The following PMPCB variants were observed in gnomAD, a reference collection of about 807,000 sequenced individuals.
PMPCB encodes mitochondrial-processing peptidase subunit beta.
Under a neutral mutation model 61.5 loss-of-function variants are expected in PMPCB, and 46 were observed. The observed-to-expected ratio is 0.75, with a 90% CI of 0.59 to 0.96. The LOEUF is 0.96. Ranked by LOEUF, PMPCB falls within the 40% of genes least tolerant of loss-of-function variation. PMPCB has a pLI of 0.00. For synonymous variants in PMPCB, 191 were observed against 201.6 expected, an observed-to-expected ratio of 0.95 and a Z score of 0.44; for missense variants, 590 against 602.4, an observed-to-expected ratio of 0.98 and a Z score of 0.22.
chr7:103,330,662 G>A (rs1469673381), downstream of PMPCB, among the ~76,000 whole-genome samples: 1 of 151,900 alleles, frequency 6.6e-6, no homozygotes, highest in Non-Finnish European at 1.5e-5. Flanking sequence ...ATGTTGGCCA[G>A]GCTGGTCTCG....
At chr7:103,335,406 G>A in the PMPCB span, 20 of 152,186 alleles carry the variant, frequency 1.3e-4, no homozygotes, top group East Asian at 2.3e-3. Flanking sequence ...AAAGACTGAC[G>A]GAATATTCCA....
intron 12 of PMPCB, among the ~76,000 whole-genome samples, chr7:103,328,669 G>A (rs994689064): frequency 1.3e-5 from 2 of 152,088 alleles, no homozygotes; most frequent in Non-Finnish European, 2.9e-5. Flanking sequence ...AGATGTAATC[G>A]TATGTACTAA....
the PMPCB span, among the ~76,000 whole-genome samples, chr7:103,347,037 T>G: frequency 1.3e-5 from 2 of 152,226 alleles, no homozygotes; most frequent in Non-Finnish European, 2.9e-5. Context: ...CTAGGTGGCA[T>G]GGTAATTATT....
chr7:103,298,542 C>G (rs964653417), intron 1 of PMPCB, 26 bp from the exon 2 acceptor site: 1 of 1,609,706 alleles, frequency 6.2e-7, no homozygotes, highest in Admixed American at 1.7e-5. Context: ...TTTGCTTTGT[C>G]TCTTCCACTT....
chr7:103,309,374 G>A (rs1817676355), intron 8 of PMPCB: 1 of 226,772 alleles, frequency 4.4e-6, no homozygotes, highest in African/African-American at 2.3e-5. Context: ...ATAGTCAGTA[G>A]GCCCTCTATA....
At chr7:103,308,886 CT>C (rs1265775524) in intron 7 of PMPCB, 65 bp from the exon 8 acceptor site, 9 of 1,312,024 alleles carry the variant, frequency 6.9e-6, no homozygotes, top group Non-Finnish European at 9.1e-6. Context: ...TGATTTTTTC[CT>C]TGTTAATAAG....
downstream of PMPCB, among the ~76,000 whole-genome samples, chr7:103,315,518 T>C (rs1017634466): frequency 2.0e-5 from 3 of 152,200 alleles, no homozygotes; most frequent in African/African-American, 7.2e-5. Flanking sequence ...AACACTGTTT[T>C]GTAAAACCTG....
At chr7:103,299,123 A>G (rs905828774) in intron 2 of PMPCB, among the ~76,000 whole-genome samples, 1 of 152,256 alleles carries the variant, frequency 6.6e-6, no homozygotes, top group East Asian at 1.9e-4. Flanking sequence ...CAGCTAATAC[A>G]TGACAGAGCC....
chr7:103,324,434 T>C (rs1818590174), intron 12 of PMPCB: 1 of 1,406,672 alleles, frequency 7.1e-7, no homozygotes, highest in East Asian at 2.6e-5. Context: ...ATTGAATACT[T>C]TTCCTTTTAA....
In PMPCB at chr7:103,313,339, T is replaced by A; in HGVS notation, c.*1068T>A. The A allele has an allele frequency of 1.6e-6, 2 of 1,265,242 alleles. No homozygotes were observed. Among genetic ancestry groups the A allele is most frequent in the South Asian group, 4.8e-5 (2 of 41,492 alleles). The allele number at this position is 1,265,242 out of a possible 1,614,324, so 78.4% of individuals were successfully genotyped here. Reference sequence around the variant, plus strand: ...GGCTTTTAAAACACAATAGTAAAGATCTACCTTGTACTGTTTATCTCTTAA... The same window carrying A: ...GGCTTTTAAAACACAATAGTAAAGAACTACCTTGTACTGTTTATCTCTTAA... On this transcript the variant is annotated 3_prime_UTR_variant, in exon 13 of 13. Transcript: ENST00000249269.
chr7:103,313,228 A>T lies in PMPCB; in HGVS notation c.*957A>T. The T allele has an allele frequency of 6.9e-7, 1 of 1,444,128 alleles. No homozygotes were observed. The highest frequency in any genetic ancestry group is 1.5e-5 in the South Asian group (1 of 65,816). 89.5% of individuals were successfully genotyped at this position (1,444,128 alleles called of 1,614,324 possible). A position where few individuals can be genotyped will look rare whatever the true frequency, so the allele number is the denominator to read the frequency against. ...TGTGTCATTTTGAAAATAAACTTGT[A>T]GAGATGAGAGATACATATAGCCCTC... On this transcript the variant is annotated 3_prime_UTR_variant, in exon 13 of 13. Coordinates refer to ENST00000249269, the MANE Select transcript of PMPCB (RefSeq NM_004279.3).
intron 12 of PMPCB, chr7:103,327,544 A>G (rs1034516908): frequency 1.3e-6 from 1 of 764,022 alleles, no homozygotes; most frequent in Non-Finnish European, 2.1e-6. Flanking sequence ...AAAATGTTTT[A>G]AAATGTCAAA....
At chr7:103,335,060 C>CT in the PMPCB span, among the ~76,000 whole-genome samples, 1 of 152,172 alleles carries the variant, frequency 6.6e-6, no homozygotes, top group Non-Finnish European at 1.5e-5. Flanking sequence ...TCTCGAACTC[C>CT]TGACCTCAGG....
rs1248350863 is a variant in PMPCB, at chr7:103,303,967, G to T, written c.583G>T (p.Asp195Tyr). The T allele has an allele frequency of 6.2e-7, 1 of 1,613,966 alleles. No homozygotes were observed. The highest frequency in any genetic ancestry group is 8.5e-7 in the Non-Finnish European group (1 of 1,179,862). ...VETNLQEVVF[D>Y]YLHATAYQNT... ...AACCAATTTACAAGAAGTTGTTTTT[G>T]ATTATCTTCATGCCACAGCTTATCA... The change falls in exon 5 of 13, where the codon GAT becomes TAT. Residue 195 changes from aspartate to tyrosine, a missense_variant. Asp to Tyr is a radical substitution (Grantham distance 160, BLOSUM62 -3). Transcript: ENST00000249269.
intron 1 of PMPCB, chr7:103,297,836 G>C (rs1232290158): frequency 1.3e-6 from 2 of 1,506,488 alleles, no homozygotes. Flanking sequence ...TAAAAACGTA[G>C]TGCTTGCAAA....
chr7:103,324,637 T>C (rs1818605028), intron 12 of PMPCB: 9 of 1,209,950 alleles, frequency 7.4e-6, no homozygotes, highest in Non-Finnish European at 9.9e-6. Context: ...ATTTAATTTA[T>C]TAAAAACAAT....
the PMPCB span, chr7:103,344,764 C>A: frequency 6.5e-6 from 5 of 768,688 alleles, no homozygotes; most frequent in Middle Eastern, 3.7e-4. Context: ...TGGAGACGAC[C>A]AGTAAGCACT....
chr7:103,340,026 T>C, the PMPCB span, among the ~76,000 whole-genome samples: 1 of 152,174 alleles, frequency 6.6e-6, no homozygotes, highest in South Asian at 2.1e-4. Flanking sequence ...TTAGTAGAGA[T>C]GGGGTTTCAC....
chr7:103,345,607 TTATA>T, the PMPCB span, among the ~76,000 whole-genome samples: 7 of 148,524 alleles, frequency 4.7e-5, no homozygotes, highest in African/African-American at 1.7e-4. Context: ...TTTAAATATA[TTATA>T]TATATATATA....
Sources: allele counts gnomAD v4.1 joint callset (sites outside exome capture counted in the v4.1 genomes callset), GRCh38; gene constraint gnomAD v4.1.1; transcripts MANE v1.5; gene names NCBI Gene and HGNC (gene_info 2026-07-23, HGNC 2026-07-21).